Variants in XKR6 observed in about 807,000 individuals in gnomAD.
XKR6 encodes XK related 6.
XKR6 carries 22 observed loss-of-function variants against 56.7 expected under a neutral mutation model. The ratio of observed to expected loss-of-function variants is 0.39; its 90% CI spans 0.28 to 0.55. The LOEUF (loss-of-function observed/expected upper bound fraction) is 0.55. Among genes scored for constraint, XKR6 ranks in the 20% least tolerant of loss-of-function variants. The pLI, the probability that XKR6 is intolerant of heterozygous loss-of-function variation, is 0.66. For missense variants in XKR6, 852 were observed against 889.0 expected (o/e 0.96, Z 0.53); for synonymous variants, 524 against 387.8 (o/e 1.35, Z -4.13).
intron 1 of XKR6, among the ~76,000 whole-genome samples, chr8:11,146,311 T>C (rs1800978362): frequency 6.6e-6 from 1 of 152,142 alleles, no homozygotes; most frequent in Non-Finnish European, 1.5e-5. Flanking sequence ...TAAAATATGA[T>C]ACCAAAAAGC....
At chr8:11,050,718 C>T (rs1185794984) in intron 1 of XKR6, among the ~76,000 whole-genome samples, 5 of 152,210 alleles carry the variant, frequency 3.3e-5, no homozygotes, top group African/African-American at 4.8e-5. Flanking sequence ...GAAGGGCTTC[C>T]GTTTTCTACC....
chr8:10,934,535 T>G (rs1801157058), intron 1 of XKR6, among the ~76,000 whole-genome samples: 1 of 130,788 alleles, frequency 7.6e-6, no homozygotes, highest in South Asian at 2.7e-4. Context: ...GGCTGTGAGT[T>G]TGTCATAGAT....
chr8:10,945,725 T>C (rs546475392), intron 1 of XKR6, among the ~76,000 whole-genome samples: 97 of 152,334 alleles, frequency 6.4e-4, no homozygotes, highest in African/African-American at 2.3e-3. Context: ...CCTTGAACTC[T>C]GGAAAGTTCA....
intron 1 of XKR6, among the ~76,000 whole-genome samples, chr8:11,039,130 C>G (rs957815244): frequency 6.6e-6 from 1 of 152,124 alleles, no homozygotes. Flanking sequence ...ATCACACCGC[C>G]GAGGACAAGA....
At chr8:11,103,394 C>T (rs1798558958) in intron 1 of XKR6, among the ~76,000 whole-genome samples, 1 of 152,198 alleles carries the variant, frequency 6.6e-6, no homozygotes, top group Non-Finnish European at 1.5e-5. Flanking sequence ...TCAGGCCCCA[C>T]AAGAACTCAG....
At chr8:10,984,717 T>G (rs1468371319) in intron 1 of XKR6, among the ~76,000 whole-genome samples, 3 of 96,610 alleles carry the variant, frequency 3.1e-5, no homozygotes, top group African/African-American at 1.4e-4. Context: ...TCTCTCTCTC[T>G]CTCTCTCTCT....
At chr8:11,074,382 C>T (rs951194394) in intron 1 of XKR6, among the ~76,000 whole-genome samples, 1 of 152,208 alleles carries the variant, frequency 6.6e-6, no homozygotes, top group Non-Finnish European at 1.5e-5. Flanking sequence ...TGACGATGCA[C>T]CAGCAAGATC....
intron 1 of XKR6, among the ~76,000 whole-genome samples, chr8:11,152,500 A>G (rs973743832): frequency 6.6e-6 from 1 of 152,226 alleles, no homozygotes; most frequent in Non-Finnish European, 1.5e-5. Context: ...AGAAAGGAAA[A>G]TTAAATCACC....
At chr8:11,036,236 T>C (rs1359534563) in intron 1 of XKR6, among the ~76,000 whole-genome samples, 1 of 152,096 alleles carries the variant, frequency 6.6e-6, no homozygotes, top group Admixed American at 6.5e-5. Flanking sequence ...GCATGAGCCA[T>C]CACACCCAGC....
At chr8:11,102,229 G>C (rs1388145718) in intron 1 of XKR6, among the ~76,000 whole-genome samples, 3 of 152,104 alleles carry the variant, frequency 2.0e-5, no homozygotes, top group Non-Finnish European at 2.9e-5. Flanking sequence ...TCCCAGCCCA[G>C]CATCCCGAGG....
chr8:11,176,640 G>A (rs899098247), intron 1 of XKR6, among the ~76,000 whole-genome samples: 6 of 152,016 alleles, frequency 3.9e-5, no homozygotes, highest in African/African-American at 1.5e-4. Context: ...GTACAGGGTG[G>A]GAGGCAGATG....
At chr8:11,154,291 C>A (rs780871771) in intron 1 of XKR6, among the ~76,000 whole-genome samples, 9 of 152,196 alleles carry the variant, frequency 5.9e-5, no homozygotes, top group Non-Finnish European at 1.3e-4. Context: ...TCTCAGGAAG[C>A]TCTAATAAAA....
In XKR6 at chr8:11,201,096, G is replaced by C. The variant is rs1804203433; in HGVS notation, c.244C>G (p.Pro82Ala). ...ACLRSLLGRK[P>A]RRSAAADGGD... ...CCGTCGGCGGCGGCGCTGCGGCGCG[G>C]CTTCCTGCCCAGGAGGGAGCGCAGG... Residue 82 changes from proline to alanine, a missense_variant, in exon 1 of 3, where the codon CCG becomes GCG. Transcript: ENST00000416569. 4 of 1,411,840 alleles carry C rather than the reference G, an allele frequency of 2.8e-6. No individual in the cohort carries two copies. Among genetic ancestry groups the C allele is most frequent in the East Asian group, 3.1e-5 (1 of 32,520 alleles). The allele number at this position is 1,411,840 out of a possible 1,614,324, so 87.5% of individuals were successfully genotyped here.
chr8:11,193,649 A>C (rs1270976853), intron 1 of XKR6, among the ~76,000 whole-genome samples: 1 of 152,102 alleles, frequency 6.6e-6, no homozygotes, highest in African/African-American at 2.4e-5. Flanking sequence ...GGTATCACTA[A>C]AAAAATTTTT....
At chr8:11,083,483 C>T (rs945091396) in intron 1 of XKR6, among the ~76,000 whole-genome samples, 6 of 152,130 alleles carry the variant, frequency 3.9e-5, no homozygotes, top group African/African-American at 9.7e-5. Flanking sequence ...CATGTGGGAC[C>T]GGATTCTCTT....
At chr8:11,172,272 A>G (rs1056953397) in intron 1 of XKR6, among the ~76,000 whole-genome samples, 8 of 152,138 alleles carry the variant, frequency 5.3e-5, no homozygotes, top group African/African-American at 7.2e-5. Flanking sequence ...CGGGAGGCTG[A>G]GGTAGAAGGA....
chr8:11,188,029 T>C (rs1803366197), intron 1 of XKR6, among the ~76,000 whole-genome samples: 1 of 152,122 alleles, frequency 6.6e-6, no homozygotes, highest in South Asian at 2.1e-4. Context: ...TTAATCCTGT[T>C]TTTTTTTCTA....
intron 2 of XKR6, among the ~76,000 whole-genome samples, chr8:10,913,413 G>C (rs35350633): frequency 9.9e-5 from 15 of 152,172 alleles, no homozygotes; most frequent in African/African-American, 3.6e-4. Flanking sequence ...TTGCCCCTTA[G>C]CCAGGTACTC....
chr8:11,146,188 T>C (rs1350585644), intron 1 of XKR6, among the ~76,000 whole-genome samples: 3 of 152,132 alleles, frequency 2.0e-5, no homozygotes, highest in African/African-American at 7.2e-5. Flanking sequence ...CTTCATACCA[T>C]ATACAAAAAG....
Sources: gnomAD v4.1 joint callset for allele counts (sites outside exome capture counted in the v4.1 genomes callset) on GRCh38, gnomAD v4.1.1 for gene constraint, MANE v1.5 for transcripts, NCBI Gene and HGNC (gene_info 2026-07-23, HGNC 2026-07-21) for gene names.